Variants in CHCHD6 observed in about 807,000 individuals in gnomAD.
The protein encoded by CHCHD6 is MICOS complex subunit MIC25.
In CHCHD6, 28 loss-of-function variants were observed where a neutral mutation model predicts 32.3. The ratio of observed to expected loss-of-function variants is 0.87; its 90% CI spans 0.64 to 1.19. The LOEUF is 1.19. CHCHD6 is among the 50% of genes most tolerant of loss of function. CHCHD6 has a pLI of 0.00. For missense variants in CHCHD6, 333 were observed against 307.0 expected (o/e 1.08, Z -0.63); for synonymous variants, 122 against 117.5 (o/e 1.04, Z -0.25).
intron 4 of CHCHD6, among the ~76,000 whole-genome samples, chr3:126,746,793 C>CT (rs1314153893): frequency 2.0e-5 from 3 of 152,224 alleles, no homozygotes; most frequent in Non-Finnish European, 4.4e-5. Context: ...TCCAGGCAGC[C>CT]TGGCATGTGG....
At chr3:126,837,756 C>G (rs1298048357) in intron 4 of CHCHD6, among the ~76,000 whole-genome samples, 2 of 152,058 alleles carry the variant, frequency 1.3e-5, no homozygotes, top group Non-Finnish European at 2.9e-5. Context: ...ATGCTTTTGC[C>G]CTGACCAATA....
In CHCHD6 at chr3:126,852,693, C is replaced by G. The variant is rs992745529; in HGVS notation, c.458C>G (p.Thr153Ser). 1 of 1,613,688 alleles carries G rather than the reference C, an allele frequency of 6.2e-7. No homozygotes were observed. Among genetic ancestry groups the G allele is most frequent in the Admixed American group, 1.7e-5 (1 of 59,988 alleles). Residue 153 changes from threonine to serine, a missense_variant, in exon 5 of 8, where the codon ACC (threonine) becomes AGC (serine). Physicochemically the swap from Thr to Ser is moderately conservative, Grantham distance 58. Coordinates refer to ENST00000290913, the MANE Select transcript of CHCHD6 (RefSeq NM_032343.3). ...SREAELRRRD[T>S]FYKEQLERIE... ...GAGGCAGAGCTAAGACGCCGTGACA[C>G]CTTCTACAAGGAGCAGCTGGAGCGT... is the stretch of plus-strand genomic sequence containing the variant.
chr3:126,712,934 A>G (rs545915447), intron 1 of CHCHD6, among the ~76,000 whole-genome samples: 1 of 152,296 alleles, frequency 6.6e-6, no homozygotes, highest in Admixed American at 6.5e-5. Context: ...GAGTAGCTCT[A>G]CTATCCAGTC....
At chr3:126,788,043 G>T (rs1201485844) in intron 4 of CHCHD6, among the ~76,000 whole-genome samples, 1 of 152,132 alleles carries the variant, frequency 6.6e-6, no homozygotes, top group Non-Finnish European at 1.5e-5. Flanking sequence ...GAAGGCTGTT[G>T]AATTTTGTCA....
chr3:126,758,501 T>A (rs1486406248), intron 4 of CHCHD6, among the ~76,000 whole-genome samples: 1 of 152,212 alleles, frequency 6.6e-6, no homozygotes, highest in African/African-American at 2.4e-5. Context: ...GTGAGGAAGA[T>A]GAGTTGGGAA....
chr3:126,883,532 G>A (rs931833345), intron 5 of CHCHD6, among the ~76,000 whole-genome samples: 31 of 152,162 alleles, frequency 2.0e-4, no homozygotes, highest in African/African-American at 7.2e-4. Flanking sequence ...TGTGTGGTGT[G>A]ATGGCAGAAG....
intron 7 of CHCHD6, among the ~76,000 whole-genome samples, chr3:126,958,581 C>T (rs1044181040): frequency 2.0e-5 from 3 of 152,238 alleles, no homozygotes; most frequent in African/African-American, 4.8e-5. Context: ...GCCCTGCTCA[C>T]ACCCATCTGC....
chr3:126,925,685 A>G (rs73209616), intron 6 of CHCHD6, among the ~76,000 whole-genome samples: 2,920 of 152,256 alleles, frequency 0.019, 47 homozygotes, highest in Middle Eastern at 0.058. Flanking sequence ...GAAGTATCAT[A>G]GTGGTTTTCT....
rs570340522 is a variant in CHCHD6 at position 126,825,786 on chromosome 3, G to A, written c.412-26861G>A. Among the ~76,000 whole-genome samples, 81 of 152,196 alleles carry A rather than the reference G, an allele frequency of 5.3e-4. 1 individual carries two copies. The highest frequency in any genetic ancestry group is 1.7e-3 in the African/African-American group (71 of 41,530). On this transcript the variant is annotated intron_variant, in intron 4 of 7. Transcript: ENST00000290913. Reference sequence around the variant, plus strand: ...CCTTCTCACGCTCTTTATAGTTAAAGGTGTATCTCTTGCAGATAGCATATA... The same window carrying A: ...CCTTCTCACGCTCTTTATAGTTAAAAGTGTATCTCTTGCAGATAGCATATA...
rs150424659 is a variant in CHCHD6, at chr3:126,732,002, C to T, written c.267-1076C>T. Among the ~76,000 whole-genome samples the T allele has an allele frequency of 1.5e-3, 224 of 150,716 alleles. 4 individuals carry two copies. In the East Asian group the frequency reaches 0.037, roughly 25 times the overall value. On this transcript the variant is annotated intron_variant, in intron 3 of 7. Coordinates refer to ENST00000290913, the MANE Select transcript of CHCHD6 (RefSeq NM_032343.3). Reference sequence around the variant, plus strand: ...GCTGAGGTGGGAGGATTGCTTGAGCCCAGAAGTTGGAGTTTACAGTGAGTT... The same window carrying T: ...GCTGAGGTGGGAGGATTGCTTGAGCTCAGAAGTTGGAGTTTACAGTGAGTT...
chr3:126,788,629 T>C (rs1294378261), intron 4 of CHCHD6, among the ~76,000 whole-genome samples: 1 of 152,048 alleles, frequency 6.6e-6, no homozygotes, highest in Non-Finnish European at 1.5e-5. Flanking sequence ...GTTTATAGTA[T>C]TCTCTGATGG....
intron 5 of CHCHD6, among the ~76,000 whole-genome samples, chr3:126,908,728 G>C (rs1379825736): frequency 6.6e-6 from 1 of 152,218 alleles, no homozygotes; most frequent in Non-Finnish European, 1.5e-5. Context: ...ATGCATTTGA[G>C]TAGGAGATTT....
intron 1 of CHCHD6, among the ~76,000 whole-genome samples, chr3:126,715,751 G>C (rs538863461): frequency 1.9e-4 from 29 of 152,256 alleles, no homozygotes; most frequent in South Asian, 4.2e-4. Context: ...TGTTACTTTA[G>C]GAGTTTTTCT....
At chr3:126,957,377 C>T in intron 6 of CHCHD6, 39 bp from the exon 7 acceptor site, 1 of 1,598,710 alleles carries the variant, frequency 6.3e-7, no homozygotes, top group Non-Finnish European at 8.5e-7. Context: ...TGCCTGCTGG[C>T]ACCTGAGCCC....
intron 4 of CHCHD6, among the ~76,000 whole-genome samples, chr3:126,738,779 C>A (rs1936166734): frequency 6.6e-6 from 1 of 152,130 alleles, no homozygotes; most frequent in Non-Finnish European, 1.5e-5. Flanking sequence ...AAGGTCTGAC[C>A]CTTTTCAAGC....
At chr3:126,736,692 C>T (rs961098152) in intron 4 of CHCHD6, among the ~76,000 whole-genome samples, 2 of 152,120 alleles carry the variant, frequency 1.3e-5, no homozygotes, top group African/African-American at 4.8e-5. Flanking sequence ...ATGAACTGTT[C>T]TGTGCGTGTC....
At chr3:126,888,909 G>C (rs1269105902) in intron 5 of CHCHD6, among the ~76,000 whole-genome samples, 1 of 152,180 alleles carries the variant, frequency 6.6e-6, no homozygotes, top group East Asian at 1.9e-4. Flanking sequence ...CCTGTGTGGT[G>C]CCCCTGCCAC....
chr3:126,829,128 C>G (rs968095016), intron 4 of CHCHD6, among the ~76,000 whole-genome samples: 1 of 152,170 alleles, frequency 6.6e-6, no homozygotes, highest in African/African-American at 2.4e-5. Context: ...CAAATTCCCT[C>G]TAATGACCGT....
chr3:126,832,243 A>G (rs1940674955), intron 4 of CHCHD6, among the ~76,000 whole-genome samples: 1 of 152,200 alleles, frequency 6.6e-6, no homozygotes, highest in Non-Finnish European at 1.5e-5. Context: ...GGAATAGTTA[A>G]TGTATATGAT....
Sources: allele counts gnomAD v4.1 joint callset (sites outside exome capture counted in the v4.1 genomes callset), GRCh38; gene constraint gnomAD v4.1.1; transcripts MANE v1.5; gene names NCBI Gene and HGNC (gene_info 2026-07-23, HGNC 2026-07-21).